GPC6: variants seen among roughly 807,000 people sequenced by gnomAD.
GPC6 encodes the protein glypican 6.
A neutral mutation model predicts 55.2 loss-of-function variants in GPC6; 14 were observed. That is an observed-to-expected ratio of 0.25 (90% confidence interval 0.17 to 0.40). GPC6 has a LOEUF of 0.40. Among genes scored for constraint, GPC6 ranks in the 10% least tolerant of loss-of-function variants. The pLI, the probability that GPC6 is intolerant of heterozygous loss-of-function variation, is 1.00. For missense variants in GPC6, 641 were observed against 708.5 expected, an observed-to-expected ratio of 0.90 and a Z score of 1.08; for synonymous variants, 278 against 259.6, an observed-to-expected ratio of 1.07 and a Z score of -0.68.
intron 4 of GPC6, among the ~76,000 whole-genome samples, chr13:94,212,919 A>T (rs1216216978): frequency 6.6e-6 from 1 of 152,222 alleles, no homozygotes; most frequent in Non-Finnish European, 1.5e-5. Context: ...GCACTTTGGG[A>T]GGCCAAGGTG....
chr13:93,943,969 A>G (rs1878862266), intron 3 of GPC6, among the ~76,000 whole-genome samples: 1 of 152,134 alleles, frequency 6.6e-6, no homozygotes, highest in Non-Finnish European at 1.5e-5. Flanking sequence ...TCAGTTACAG[A>G]TCCCACACCT....
At chr13:94,042,514 C>G (rs545944856) in intron 4 of GPC6, among the ~76,000 whole-genome samples, 71 of 151,916 alleles carry the variant, frequency 4.7e-4, no homozygotes, top group Middle Eastern at 3.4e-3. Flanking sequence ...TGTCATGTCT[C>G]CTTAGTCTTC....
intron 6 of GPC6, among the ~76,000 whole-genome samples, chr13:94,311,348 T>C (rs1192190873): frequency 6.6e-6 from 1 of 152,160 alleles, no homozygotes; most frequent in African/African-American, 2.4e-5. Flanking sequence ...TTTGTATTCT[T>C]AGTAGAGACG....
At chr13:93,338,464 A>T (rs775582616) in intron 1 of GPC6, among the ~76,000 whole-genome samples, 5 of 152,002 alleles carry the variant, frequency 3.3e-5, no homozygotes, top group Admixed American at 6.5e-5. Context: ...ACCCATTTCC[A>T]GTAGACCTTT....
intron 2 of GPC6, among the ~76,000 whole-genome samples, chr13:93,688,098 G>T (rs552413836): frequency 6.6e-6 from 1 of 151,988 alleles, no homozygotes; most frequent in African/African-American, 2.4e-5. Flanking sequence ...TCATTCTTTA[G>T]AAGCCATTAT....
chr13:93,468,351 A>G (rs1426750387), intron 1 of GPC6, among the ~76,000 whole-genome samples: 1 of 152,044 alleles, frequency 6.6e-6, no homozygotes, highest in South Asian at 2.1e-4. Context: ...ACTTATCCCT[A>G]TGTTCCACAT....
In GPC6 at chr13:94,150,309, T is replaced by C. The variant is rs568717990; in HGVS notation, c.877+122415T>C. Among the ~76,000 whole-genome samples the C allele has an allele frequency of 3.9e-5, 6 of 152,246 alleles. No homozygotes were observed. In the East Asian group the frequency reaches 7.7e-4, roughly 20 times the overall value. ...TGTATTATTGCAGCAAGGACTGATA[T>C]CCTTTTCCCCCCTTGTCCTTCTAGC... is the stretch of plus-strand genomic sequence containing the variant. On this transcript the variant is annotated intron_variant, in intron 4 of 8. Transcript: ENST00000377047.
At chr13:94,266,350 A>G (rs1390295182) in intron 4 of GPC6, among the ~76,000 whole-genome samples, 1 of 151,890 alleles carries the variant, frequency 6.6e-6, no homozygotes, top group Admixed American at 6.6e-5. Context: ...TTGTATTTTT[A>G]GTAGAGACGG....
rs1200669518 is a variant in GPC6 at position 94,395,462 on chromosome 13, C to T, written c.1290-3004C>T. Among the ~76,000 whole-genome samples the T allele has an allele frequency of 1.1e-4, 16 of 152,248 alleles. No individual in the cohort carries two copies. In the East Asian group the frequency reaches 2.9e-3, roughly 28 times the overall value. ...TGAGCATTGTGAAGTCGATTTTGTT[C>T]AAGATATGGATGAAGACATGGAGCT... On this transcript the variant is annotated intron_variant, in intron 7 of 8. Coordinates refer to ENST00000377047, the MANE Select transcript of GPC6 (RefSeq NM_005708.5).
intron 2 of GPC6, among the ~76,000 whole-genome samples, chr13:93,616,610 A>G (rs756558756): frequency 7.9e-5 from 12 of 152,098 alleles, no homozygotes; most frequent in Non-Finnish European, 1.5e-4. Flanking sequence ...TAATAACACA[A>G]TGTTAGAAGG....
intron 4 of GPC6, among the ~76,000 whole-genome samples, chr13:94,211,833 A>G (rs915505476): frequency 5.9e-5 from 9 of 152,222 alleles, no homozygotes; most frequent in African/African-American, 2.2e-4. Flanking sequence ...GCAATTTACA[A>G]TGGGGAGAAG....
chr13:93,306,209 T>C (rs1393935585), intron 1 of GPC6, among the ~76,000 whole-genome samples: 2 of 152,186 alleles, frequency 1.3e-5, no homozygotes, highest in South Asian at 2.1e-4. Context: ...TATTATTTTA[T>C]GGTAAAAGAT....
At chr13:94,168,959 G>A (rs748158325) in intron 4 of GPC6, among the ~76,000 whole-genome samples, 23 of 152,168 alleles carry the variant, frequency 1.5e-4, no homozygotes, top group African/African-American at 4.8e-4. Flanking sequence ...ATTACCCTCC[G>A]TGGGCGTGGG....
At chr13:94,020,362 A>G (rs1219342283) in intron 3 of GPC6, among the ~76,000 whole-genome samples, 2 of 152,150 alleles carry the variant, frequency 1.3e-5, no homozygotes, top group African/African-American at 2.4e-5. Flanking sequence ...TACGATTGCA[A>G]TCTTTTCAAA....
chr13:94,003,283 G>A (rs1422210881), intron 3 of GPC6, among the ~76,000 whole-genome samples: 3 of 152,138 alleles, frequency 2.0e-5, no homozygotes, highest in African/African-American at 7.2e-5. Context: ...TAAAAATTGA[G>A]CACATAGTCT....
chr13:94,093,832 A>T (rs751708682), intron 4 of GPC6, among the ~76,000 whole-genome samples: 1 of 152,112 alleles, frequency 6.6e-6, no homozygotes, highest in Non-Finnish European at 1.5e-5. Context: ...TCTGGATCTG[A>T]TCAGCACATC....
chr13:94,325,459 G>T (rs1043350548), intron 6 of GPC6, among the ~76,000 whole-genome samples: 1 of 152,342 alleles, frequency 6.6e-6, no homozygotes, highest in African/African-American at 2.4e-5. Flanking sequence ...CTCAAAGACT[G>T]CTGATCATGG....
intron 4 of GPC6, among the ~76,000 whole-genome samples, chr13:94,145,173 A>ATGGG (rs71126439): frequency 1.3e-5 from 2 of 150,450 alleles, no homozygotes; most frequent in Admixed American, 1.3e-4. Context: ...GGATGGATGG[A>ATGGG]CGGATGATGA....
intron 1 of GPC6, among the ~76,000 whole-genome samples, chr13:93,540,017 A>G (rs1332718653): frequency 6.6e-6 from 1 of 152,136 alleles, no homozygotes; most frequent in Non-Finnish European, 1.5e-5. Context: ...ATGGCACAGT[A>G]ACCTTGTTTT....
Sources: gnomAD v4.1 joint callset for allele counts (sites outside exome capture counted in the v4.1 genomes callset) on GRCh38, gnomAD v4.1.1 for gene constraint, MANE v1.5 for transcripts, NCBI Gene and HGNC (gene_info 2026-07-23, HGNC 2026-07-21) for gene names.